Variants in B3GALNT2 observed in about 807,000 individuals in gnomAD.
B3GALNT2 encodes beta-1,3-N-acetylgalactosaminyltransferase 2.
A neutral mutation model predicts 61.1 loss-of-function variants in B3GALNT2; 53 were observed. That is an observed-to-expected ratio of 0.87 (90% CI 0.70 to 1.09). The LOEUF is 1.09. Ranked by LOEUF, B3GALNT2 falls within the 50% of genes least tolerant of loss-of-function variation. The probability of loss-of-function intolerance (pLI) is 0.00; values close to 1 mark genes in which losing one functional copy is unlikely to be tolerated. For synonymous variants in B3GALNT2, 223 were observed against 237.4 expected, an observed-to-expected ratio of 0.94 and a Z score of 0.56; for missense variants, 544 against 623.0, an observed-to-expected ratio of 0.87 and a Z score of 1.35.
chr1:235,503,886 A>G (rs704720), intron 1 of B3GALNT2, among the ~76,000 whole-genome samples: 69,281 of 152,096 alleles, frequency 0.46, 16,445 homozygotes, highest in Non-Finnish European at 0.51. Flanking sequence ...AGGACTTGCA[A>G]CTGCGGGCGC....
intron 5 of B3GALNT2, among the ~76,000 whole-genome samples, chr1:235,478,415 A>C (rs528030661): frequency 1.3e-5 from 2 of 152,346 alleles, no homozygotes; most frequent in African/African-American, 4.8e-5. Context: ...AAAGGAAAAA[A>C]GTTCATATGT....
rs187036573 is a variant in B3GALNT2 at position 235,460,006 on chromosome 1, T to C, written c.842-1220A>G. ...ACGGAGTTTCACCATGTTGGCCAGC[T>C]GGTCTCGAACTCCTGACCTCAAATG... On this transcript the variant is annotated intron_variant, in intron 7 of 11. Coordinates refer to ENST00000366600, the MANE Select transcript of B3GALNT2 (RefSeq NM_152490.5). Among the ~76,000 whole-genome samples, 475 of 152,232 alleles carry C rather than the reference T, an allele frequency of 3.1e-3. 1 individual carries two copies. The highest frequency in any genetic ancestry group is 5.3e-3 in the Non-Finnish European group (362 of 68,002).
chr1:235,471,450 G>T (rs1175523771), intron 5 of B3GALNT2, among the ~76,000 whole-genome samples: 1 of 152,160 alleles, frequency 6.6e-6, no homozygotes, highest in Non-Finnish European at 1.5e-5. Flanking sequence ...TACATTCCCA[G>T]AGTGAAATTA....
At chr1:235,468,869 TTC>T (rs1360026207) in intron 6 of B3GALNT2, among the ~76,000 whole-genome samples, 1 of 152,184 alleles carries the variant, frequency 6.6e-6, no homozygotes, top group Non-Finnish European at 1.5e-5. Context: ...CCATAAAACT[TTC>T]TATTTTCAGT....
intron 5 of B3GALNT2, among the ~76,000 whole-genome samples, chr1:235,471,860 G>A (rs1222565089): frequency 2.0e-5 from 3 of 151,840 alleles, no homozygotes; most frequent in East Asian, 3.9e-4. Flanking sequence ...ACAGGGTTTC[G>A]CCATGTTGGC....
rs187941861 is a variant in B3GALNT2, at chr1:235,498,240, A to G, written c.113-3412T>C. Among the ~76,000 whole-genome samples the G allele has an allele frequency of 4.4e-4, 67 of 152,330 alleles. 1 individual carries two copies. Among genetic ancestry groups the G allele is most frequent in the African/African-American group, 1.5e-3 (64 of 41,560 alleles). ...TAGCTCCCTTTACCAATCTGGCTCT[A>G]AACTCTTATCACCTTTTATGTTACA... On this transcript the variant is annotated intron_variant, in intron 1 of 11. Transcript: ENST00000366600.
chr1:235,471,133 T>C (rs1304607070), intron 5 of B3GALNT2, among the ~76,000 whole-genome samples, 173 bp from the exon 6 acceptor site: 1 of 152,190 alleles, frequency 6.6e-6, no homozygotes, highest in Non-Finnish European at 1.5e-5. Flanking sequence ...TCCTTGACCG[T>C]TTTTTCCATG....
At chr1:235,478,761 A>G (rs1684418326) in intron 5 of B3GALNT2, 3 of 152,246 alleles carry the variant, frequency 2.0e-5, no homozygotes, top group African/African-American at 7.2e-5. Context: ...GTGATATGTT[A>G]AAGTAAGTAA....
rs76960137 is a variant in B3GALNT2 at position 235,501,495 on chromosome 1, G to A, written c.112+2646C>T. Among the ~76,000 whole-genome samples the A allele has an allele frequency of 5.2e-3, 792 of 152,244 alleles. 6 individuals are homozygous for A. The highest frequency in any genetic ancestry group is 0.018 in the African/African-American group (754 of 41,520). ...TTTCCCTATACTTATCACTACCGCT[G>A]TGATATTTATAATTATTTCCTGATG... is the stretch of plus-strand genomic sequence containing the variant. On this transcript the variant is annotated intron_variant, in intron 1 of 11. Transcript: ENST00000366600.
At chr1:235,443,104 T>G (rs1023936472), downstream of B3GALNT2, 1 of 620,474 alleles carries the variant, frequency 1.6e-6, no homozygotes, top group Non-Finnish European at 2.8e-6. Flanking sequence ...AAAGTTCAGG[T>G]CTCCCCTAAC....
rs57291873 is a variant in B3GALNT2 at position 235,498,843 on chromosome 1, C to CA, written c.113-4016dup. 5.5e-3 allele frequency among the ~76,000 whole-genome samples: 355 copies of CA among 64,112 alleles called. 9 individuals carry two copies. The highest frequency in any genetic ancestry group is 7.3e-3 in the South Asian group (7 of 958). 42.1% of individuals were successfully genotyped at this position (64,112 alleles called of 152,430 possible). A position where few individuals can be genotyped will look rare whatever the true frequency, so the allele number is the denominator to read the frequency against. On this transcript the variant is annotated intron_variant, in intron 1 of 11. Transcript: ENST00000366600. ...TGGGTGACAGAGCTAGACTCCTTCT[C>CA]AAAAAAAAAAAAAAAAAAAAAAAAA...
chr1:235,483,075 T>G (rs1684632129), intron 4 of B3GALNT2, among the ~76,000 whole-genome samples: 1 of 152,044 alleles, frequency 6.6e-6, no homozygotes, highest in South Asian at 2.1e-4. Flanking sequence ...AAAAAAGAAC[T>G]AAATGGAAAC....
In B3GALNT2 at chr1:235,448,676, G is replaced by A; in HGVS notation, c.*1530C>T. On this transcript the variant is annotated 3_prime_UTR_variant, in exon 12 of 12. Coordinates refer to ENST00000366600, the MANE Select transcript of B3GALNT2 (RefSeq NM_152490.5). The stretch of plus-strand genomic sequence containing the variant: ...ACCTTCGTTCTAATTTTAGAAGCCG[G>A]GCAGAGAAATCGAGCTGGAAAATGA... The A allele has an allele frequency of 6.2e-7, 1 of 1,613,772 alleles. No individual in the cohort carries two copies. The highest frequency in any genetic ancestry group is 8.5e-7 in the Non-Finnish European group (1 of 1,179,798).
intron 1 of B3GALNT2, among the ~76,000 whole-genome samples, chr1:235,501,250 T>C (rs1361424360): frequency 2.0e-5 from 3 of 152,224 alleles, no homozygotes; most frequent in South Asian, 2.1e-4. Flanking sequence ...TTTTCCTCTG[T>C]CACCCTCAGG....
At chr1:235,496,833 G>A (rs1244077256) in intron 1 of B3GALNT2, among the ~76,000 whole-genome samples, 2 of 152,156 alleles carry the variant, frequency 1.3e-5, no homozygotes, top group East Asian at 1.9e-4. Flanking sequence ...GTGATCCACC[G>A]TGCCTGGCCC....
intron 7 of B3GALNT2, among the ~76,000 whole-genome samples, chr1:235,459,949 A>G (rs1683338894): frequency 6.6e-6 from 1 of 151,868 alleles, no homozygotes. Flanking sequence ...GTTAGCTACC[A>G]CGCCCGGCTA....
chr1:235,452,065 T>G (rs1682939479), intron 11 of B3GALNT2: 1 of 152,072 alleles, frequency 6.6e-6, no homozygotes, highest in Non-Finnish European at 1.5e-5. Flanking sequence ...CAGGCTGGAG[T>G]ACAGTGGTGT....
At chr1:235,453,064 C>T (rs770545778) in intron 11 of B3GALNT2, 26 bp downstream of exon 11, 2 of 1,589,154 alleles carry the variant, frequency 1.3e-6, no homozygotes, top group East Asian at 2.2e-5. Flanking sequence ...CTCTTAAGAA[C>T]CCTGAGGCCA....
chr1:235,503,953 G>A (rs1159455475), intron 1 of B3GALNT2, among the ~76,000 whole-genome samples, 188 bp downstream of exon 1: 6 of 152,242 alleles, frequency 3.9e-5, no homozygotes, highest in Admixed American at 3.9e-4. Context: ...GACACGAAAA[G>A]AGAAAAGCTC....
Sources: allele counts gnomAD v4.1 joint callset (sites outside exome capture counted in the v4.1 genomes callset), GRCh38; gene constraint gnomAD v4.1.1; transcripts MANE v1.5; gene names NCBI Gene and HGNC (gene_info 2026-07-23, HGNC 2026-07-21).